Variants in PIGN observed in about 807,000 individuals in gnomAD.
PIGN encodes GPI ethanolamine phosphate transferase 1.
In PIGN, 117 loss-of-function variants were observed where a neutral mutation model predicts 125.4. The observed-to-expected ratio is 0.93, with a 90% CI of 0.80 to 1.09. The LOEUF is 1.09. PIGN is among the 50% of genes least tolerant of loss of function. The probability of loss-of-function intolerance (pLI) is 0.00; values close to 1 mark genes in which losing one functional copy is unlikely to be tolerated. For synonymous variants in PIGN, 392 were observed against 377.8 expected (o/e 1.04, Z -0.44); for missense variants, 1,075 against 1,094.9 (o/e 0.98, Z 0.26).
chr18:62,071,906 A>G (rs1309147270), intron 30 of PIGN, among the ~76,000 whole-genome samples: 2 of 100,706 alleles, frequency 2.0e-5, no homozygotes, highest in Non-Finnish European at 4.2e-5. Flanking sequence ...ATATATATAT[A>G]TATAAATTTA....
At chr18:62,051,872 A>G (rs2031327075) in intron 30 of PIGN, 1 of 151,980 alleles carries the variant, frequency 6.6e-6, no homozygotes. Context: ...CACTGCTTTG[A>G]ATGTGTCCCA....
At chr18:62,153,654 T>C (rs1287179198) in intron 7 of PIGN, 1 of 152,072 alleles carries the variant, frequency 6.6e-6, no homozygotes, top group Non-Finnish European at 1.5e-5. Context: ...CAAAAGTATA[T>C]ATTAAAAGTA....
At chr18:62,100,166 G>C (rs1237894009) in intron 22 of PIGN, among the ~76,000 whole-genome samples, 2 of 152,092 alleles carry the variant, frequency 1.3e-5, no homozygotes, top group Non-Finnish European at 2.9e-5. Flanking sequence ...GATCTGAGTA[G>C]ACATTTCTCA....
chr18:62,119,651 C>T (rs1350067154), intron 14 of PIGN, among the ~76,000 whole-genome samples: 1 of 151,974 alleles, frequency 6.6e-6, no homozygotes, highest in Admixed American at 6.6e-5. Flanking sequence ...TGAGACCAGC[C>T]TGGCCAACAT....
intron 25 of PIGN, among the ~76,000 whole-genome samples, chr18:62,087,458 G>A (rs921585370): frequency 3.3e-5 from 5 of 152,150 alleles, no homozygotes; most frequent in East Asian, 1.9e-4. Context: ...AGAGGTTTGC[G>A]GATATGGCAT....
At chr18:62,167,051 A>G (rs1483823344) in intron 1 of PIGN, among the ~76,000 whole-genome samples, 1 of 152,236 alleles carries the variant, frequency 6.6e-6, no homozygotes, top group Non-Finnish European at 1.5e-5. Context: ...CATGTATCCC[A>G]GAACCTAAAG....
chr18:62,080,208 A>G (rs2033381881), intron 28 of PIGN, among the ~76,000 whole-genome samples: 1 of 152,214 alleles, frequency 6.6e-6, no homozygotes, highest in Non-Finnish European at 1.5e-5. Flanking sequence ...ATTTAATCAA[A>G]CACAGAACTG....
chr18:62,056,652 C>T (rs1308737486), intron 30 of PIGN: 1 of 152,386 alleles, frequency 6.6e-6, no homozygotes, highest in Admixed American at 6.5e-5. Flanking sequence ...CCCTCCACTT[C>T]TAGTTTGGAT....
At chr18:62,054,693 T>C (rs895787393) in intron 30 of PIGN, among the ~76,000 whole-genome samples, 11 of 152,106 alleles carry the variant, frequency 7.2e-5, no homozygotes, top group African/African-American at 2.4e-4. Flanking sequence ...GGTCTTGCCA[T>C]GTTACCCAGG....
chr18:62,111,582 G>A (rs2034882544), intron 16 of PIGN, among the ~76,000 whole-genome samples: 1 of 152,188 alleles, frequency 6.6e-6, no homozygotes, highest in African/African-American at 2.4e-5. Flanking sequence ...TTGGTTATAT[G>A]TGTACATCTC....
chr18:62,145,613 C>G (rs2147263879), intron 10 of PIGN, among the ~76,000 whole-genome samples: 1 of 152,208 alleles, frequency 6.6e-6, no homozygotes, highest in Non-Finnish European at 1.5e-5. Context: ...TTTATTTACT[C>G]TACCTCACAT....
At chr18:62,080,131 T>G (rs2033376019) in intron 28 of PIGN, among the ~76,000 whole-genome samples, 1 of 152,224 alleles carries the variant, frequency 6.6e-6, no homozygotes, top group African/African-American at 2.4e-5. Flanking sequence ...CAACTGCTAT[T>G]TCCAAGTTTT....
chr18:62,155,428 G>T (rs1421788502), intron 6 of PIGN, among the ~76,000 whole-genome samples: 1 of 152,044 alleles, frequency 6.6e-6, no homozygotes, highest in Admixed American at 6.5e-5. Context: ...AATTAGCTGG[G>T]TGTGGTGGTG....
At chr18:62,131,220 T>C (rs1269298445) in intron 14 of PIGN, among the ~76,000 whole-genome samples, 1 of 152,158 alleles carries the variant, frequency 6.6e-6, no homozygotes, top group African/African-American at 2.4e-5. Flanking sequence ...TGTTAAAATT[T>C]CTTTGTTTAT....
intron 30 of PIGN, among the ~76,000 whole-genome samples, chr18:62,049,768 C>T (rs1293754547): frequency 1.3e-5 from 2 of 151,846 alleles, no homozygotes; most frequent in Non-Finnish European, 2.9e-5. Flanking sequence ...ACATGAAGTC[C>T]TTGTCCATGC....
intron 19 of PIGN, among the ~76,000 whole-genome samples, chr18:62,105,860 T>C (rs2034618876): frequency 6.6e-6 from 1 of 152,208 alleles, no homozygotes; most frequent in Non-Finnish European, 1.5e-5. Flanking sequence ...TAGTATTAGG[T>C]ATAATATGAG....
intron 11 of PIGN, among the ~76,000 whole-genome samples, chr18:62,141,627 T>C (rs930701985): frequency 6.6e-6 from 1 of 152,216 alleles, no homozygotes; most frequent in African/African-American, 2.4e-5. Context: ...AGTCACCTTT[T>C]CCTTTTCCCT....
At chr18:62,058,259 A>ACG (rs1431868379) in intron 30 of PIGN, among the ~76,000 whole-genome samples, 1 of 152,238 alleles carries the variant, frequency 6.6e-6, no homozygotes, top group Non-Finnish European at 1.5e-5. Flanking sequence ...TGGAATGTTT[A>ACG]ATCTGTAACA....
chr18:62,092,339 T>C (rs775667204), intron 23 of PIGN, among the ~76,000 whole-genome samples: 1 of 152,166 alleles, frequency 6.6e-6, no homozygotes, highest in Non-Finnish European at 1.5e-5. Flanking sequence ...TAGTTTGTTG[T>C]AGATATTATA....
Sources: allele counts gnomAD v4.1 joint callset (sites outside exome capture counted in the v4.1 genomes callset), GRCh38; gene constraint gnomAD v4.1.1; transcripts MANE v1.5; gene names NCBI Gene and HGNC (gene_info 2026-07-23, HGNC 2026-07-21).